The following TRAPPC9 variants were observed in gnomAD, a reference collection of about 807,000 sequenced individuals.
The protein encoded by TRAPPC9 is trafficking protein particle complex subunit 9.
A neutral mutation model predicts 124.0 loss-of-function variants in TRAPPC9; 83 were observed. The ratio of observed to expected loss-of-function variants is 0.67; its 90% CI spans 0.56 to 0.80. The LOEUF (loss-of-function observed/expected upper bound fraction) is 0.80, where lower values mean the gene tolerates loss of function less well. TRAPPC9 is among the 30% of genes least tolerant of loss of function. The pLI, the probability that TRAPPC9 is intolerant of heterozygous loss-of-function variation, is 0.00. For synonymous variants in TRAPPC9, 638 were observed against 617.5 expected, an observed-to-expected ratio of 1.03 and a Z score of -0.49; for missense variants, 1,302 against 1,508.3, an observed-to-expected ratio of 0.86 and a Z score of 2.27.
chr8:140,311,359 G>A lies in TRAPPC9; in HGVS notation c.1511C>T (p.Ala504Val). ...FLSDQEKKDV[A>V]QSLENYTSKC... ...GGACGTATAGTTCTCTAGGCTTTGG[G>A]CCACATCTTTCTTTTCTGAAGAGAA... is the stretch of plus-strand genomic sequence containing the variant. Residue 504 changes from alanine to valine, a missense_variant, in exon 10 of 23, where the codon GCC (alanine) becomes GTC (valine). This residue lies in a region of TRAPPC9 where 657 missense variants were observed against 811.2 expected (regional missense o/e 0.81). Coordinates refer to ENST00000438773, the MANE Select transcript of TRAPPC9 (RefSeq NM_001160372.4). The A allele has an allele frequency of 6.2e-7, 1 of 1,613,832 alleles. No individual in the cohort carries two copies.
intron 19 of TRAPPC9, among the ~76,000 whole-genome samples, chr8:139,927,313 T>C (rs1345731549): frequency 6.6e-6 from 1 of 152,078 alleles, no homozygotes; most frequent in Non-Finnish European, 1.5e-5. Context: ...GGCACAGCCA[T>C]AGCTCACTGC....
intron 19 of TRAPPC9, among the ~76,000 whole-genome samples, chr8:139,966,423 C>T (rs1034804990): frequency 2.8e-4 from 43 of 152,240 alleles, no homozygotes; most frequent in Non-Finnish European, 7.3e-5. Context: ...ATGCTGCACC[C>T]TTCCTCAGCC....
intron 19 of TRAPPC9, among the ~76,000 whole-genome samples, chr8:139,971,982 C>T (rs1311516532): frequency 1.3e-5 from 2 of 151,944 alleles, no homozygotes; most frequent in African/African-American, 2.4e-5. Context: ...CCACCATGCC[C>T]GCCTAAATTT....
chr8:140,356,620 C>CTT (rs1184247581), intron 9 of TRAPPC9, among the ~76,000 whole-genome samples: 2 of 142,052 alleles, frequency 1.4e-5, no homozygotes, highest in Admixed American at 1.4e-4. Context: ...AAAGAATGTG[C>CTT]TTTTTTTTTT....
chr8:140,268,589 G>A (rs74411829), intron 15 of TRAPPC9, among the ~76,000 whole-genome samples: 17 of 152,318 alleles, frequency 1.1e-4, no homozygotes, highest in African/African-American at 4.1e-4. Flanking sequence ...AGCTGGGAAG[G>A]AGGAGGCCTT....
chr8:140,310,927 G>A (rs890014781), intron 10 of TRAPPC9, among the ~76,000 whole-genome samples: 3 of 151,976 alleles, frequency 2.0e-5, no homozygotes, highest in African/African-American at 4.8e-5. Flanking sequence ...AGGAGAAGAC[G>A]ATGTGATCAG....
intron 21 of TRAPPC9, among the ~76,000 whole-genome samples, chr8:139,760,761 C>G (rs1417882836): frequency 6.6e-6 from 1 of 152,170 alleles, no homozygotes; most frequent in Non-Finnish European, 1.5e-5. Flanking sequence ...AGCACTTGTA[C>G]AGAGAAACCC....
chr8:139,865,480 T>C (rs1828464126), intron 21 of TRAPPC9, among the ~76,000 whole-genome samples: 1 of 150,776 alleles, frequency 6.6e-6, no homozygotes, highest in Non-Finnish European at 1.5e-5. Flanking sequence ...CAAAGGGGAG[T>C]GAGAAAGAGC....
rs187594197 is a variant in TRAPPC9, at chr8:139,730,529, C to A, written c.*532G>T. 1 of 158,932 alleles carries A rather than the reference C, an allele frequency of 6.3e-6. No individual in the cohort carries two copies. The highest frequency in any genetic ancestry group is 2.4e-5 in the African/African-American group (1 of 41,518). The allele number at this position is 158,932 out of a possible 1,614,324, so 9.8% of individuals were successfully genotyped here. A position where few individuals can be genotyped will look rare whatever the true frequency, so the allele number is the denominator to read the frequency against. ...GGCATCAACCATCCACGACCTCCTA[C>A]GGCACCATCTCTCCTGCCAAGTTGC... On this transcript the variant is annotated 3_prime_UTR_variant, in exon 23 of 23. Coordinates refer to ENST00000438773, the MANE Select transcript of TRAPPC9 (RefSeq NM_001160372.4).
chr8:140,399,578 T>C (rs1049680420), intron 6 of TRAPPC9, among the ~76,000 whole-genome samples: 1 of 152,224 alleles, frequency 6.6e-6, no homozygotes, highest in Non-Finnish European at 1.5e-5. Flanking sequence ...TGTAACCCCT[T>C]TGTTTTGCCA....
Position 140,160,421 on chromosome 8 carries a change from A to T in TRAPPC9, c.2556+61038T>A, listed in dbSNP as rs542651359. ...CAAACGTCCATCAATAAGAGACTAG[A>T]TAAAGAAAACGTGGCACATATACAC... is the stretch of plus-strand genomic sequence containing the variant. On this transcript the variant is annotated intron_variant, in intron 17 of 22. Coordinates refer to ENST00000438773, the MANE Select transcript of TRAPPC9 (RefSeq NM_001160372.4). 5.3e-5 allele frequency among the ~76,000 whole-genome samples: 8 copies of T among 152,352 alleles called. No individual in the cohort carries two copies. The East Asian group carries it at 1.5e-3, about 29-fold the overall frequency.
Position 139,730,074 on chromosome 8 carries a change from A to C in TRAPPC9, c.*987T>G, listed in dbSNP as rs1817728170. The stretch of plus-strand genomic sequence containing the variant: ...CTCTCCGGTCCTCCCTGAGGAACGC[A>C]GGGCCAGCTGCCCACTGTGGCGGCA... On this transcript the variant is annotated 3_prime_UTR_variant, in exon 23 of 23. Transcript: ENST00000438773. Among the ~76,000 whole-genome samples, 1 of 152,016 alleles carries C rather than the reference A, an allele frequency of 6.6e-6. No homozygotes were observed.
In TRAPPC9 at chr8:140,216,965, C is replaced by T. The variant is rs923537826; in HGVS notation, c.2556+4494G>A. ...ACCCTTGTTTCCCCATCACACGGCA[C>T]GCTGCTTAACACGGTCCTCAGTGGA... On this transcript the variant is annotated intron_variant, in intron 17 of 22. Coordinates refer to ENST00000438773, the MANE Select transcript of TRAPPC9 (RefSeq NM_001160372.4). This position sits in a 1 kb window ranked among gnomAD's most constrained non-coding sequence, Gnocchi z 4.1. 5.9e-5 allele frequency among the ~76,000 whole-genome samples: 9 copies of T among 152,178 alleles called. No homozygotes were observed. The highest frequency in any genetic ancestry group is 1.3e-4 in the Admixed American group (2 of 15,280).
chr8:139,854,332 C>CTGCCA (rs540203812), intron 21 of TRAPPC9, among the ~76,000 whole-genome samples: 201 of 152,342 alleles, frequency 1.3e-3, no homozygotes, highest in Non-Finnish European at 2.6e-3. Context: ...CTCACAGACG[C>CTGCCA]TGCCATGAAT....
chr8:140,263,223 G>C (rs900862552), intron 15 of TRAPPC9, among the ~76,000 whole-genome samples: 1 of 152,152 alleles, frequency 6.6e-6, no homozygotes, highest in Admixed American at 6.5e-5. Context: ...AGAGCAGAGA[G>C]GACGATCCCT....
intron 21 of TRAPPC9, among the ~76,000 whole-genome samples, chr8:139,753,921 C>G (rs1221841647): frequency 6.6e-6 from 1 of 152,234 alleles, no homozygotes; most frequent in Non-Finnish European, 1.5e-5. Context: ...TCAGCTGAAG[C>G]ACCCCCATCA....
intron 21 of TRAPPC9, among the ~76,000 whole-genome samples, chr8:139,882,843 G>C (rs1368889177): frequency 6.6e-6 from 1 of 152,202 alleles, no homozygotes; most frequent in Non-Finnish European, 1.5e-5. Context: ...TGTGCTGAAG[G>C]TCACATAGCT....
chr8:140,444,432 G>T (rs1316174987), intron 2 of TRAPPC9, among the ~76,000 whole-genome samples: 1 of 152,042 alleles, frequency 6.6e-6, no homozygotes, highest in African/African-American at 2.4e-5. Context: ...ACTCCATCCT[G>T]CTGCCAGGAC....
intron 9 of TRAPPC9, among the ~76,000 whole-genome samples, chr8:140,354,990 G>A (rs1212004351): frequency 6.6e-6 from 1 of 152,194 alleles, no homozygotes; most frequent in East Asian, 1.9e-4. Context: ...TCAAGAGACT[G>A]TTATTTGTTC....
Sources: gnomAD v4.1 joint callset for allele counts (sites outside exome capture counted in the v4.1 genomes callset) on GRCh38, gnomAD v4.1.1 for gene constraint, gnomAD v4.1.1 regional missense constraint, Gnocchi (gnomAD v3.1) non-coding constraint, MANE v1.5 for transcripts, NCBI Gene and HGNC (gene_info 2026-07-23, HGNC 2026-07-21) for gene names.